Variants in SUFU observed in about 807,000 individuals in gnomAD.
SUFU encodes SUFU negative regulator of hedgehog signaling.
A neutral mutation model predicts 58.9 loss-of-function variants in SUFU; 7 were observed. The observed-to-expected ratio is 0.12, with a 90% confidence interval of 0.07 to 0.22. SUFU has a LOEUF of 0.22. SUFU is among the 10% of genes least tolerant of loss of function. The pLI is 1.00. For missense variants in SUFU, 451 were observed against 641.3 expected, an observed-to-expected ratio of 0.70 and a Z score of 3.20; for synonymous variants, 232 against 254.8, an observed-to-expected ratio of 0.91 and a Z score of 0.85.
intron 6 of SUFU, among the ~76,000 whole-genome samples, chr10:102,594,485 C>T (rs2063439830): frequency 6.6e-6 from 1 of 152,094 alleles, no homozygotes; most frequent in Admixed American, 6.5e-5. Context: ...CATGGCTCAG[C>T]TGCAGGAGTG....
rs868029741 is a variant in SUFU, at chr10:102,552,418, G to A, written c.454+2312G>A. On this transcript the variant is annotated intron_variant, in intron 3 of 11. Coordinates refer to ENST00000369902, the MANE Select transcript of SUFU (RefSeq NM_016169.4). ...ACCACATTCCAGGCTGGGCGACACA[G>A]TGAGACCCCACCTAAAAAAAAAATA... 5.4e-4 allele frequency among the ~76,000 whole-genome samples: 82 copies of A among 152,004 alleles called. 1 individual carries two copies. In the Middle Eastern group the frequency reaches 0.034, roughly 63 times the overall value.
intron 2 of SUFU, among the ~76,000 whole-genome samples, chr10:102,535,970 G>GA (rs60151296): frequency 5.5e-4 from 83 of 150,184 alleles, no homozygotes; most frequent in African/African-American, 1.2e-3. Context: ...TGATGATGAT[G>GA]TTGTTGATGA....
chr10:102,548,878 A>G (rs1564675915), intron 2 of SUFU, among the ~76,000 whole-genome samples: 2 of 152,196 alleles, frequency 1.3e-5, no homozygotes, highest in South Asian at 2.1e-4. Flanking sequence ...TGGCCACAGA[A>G]GCAGTCATCC....
intron 2 of SUFU, among the ~76,000 whole-genome samples, chr10:102,514,075 C>T (rs1255203521): frequency 7.3e-5 from 11 of 151,636 alleles, no homozygotes; most frequent in Non-Finnish European, 7.4e-5. Context: ...ATTGTTGACA[C>T]GAGGTCTTGC....
At chr10:102,590,242 T>C (rs2063384343) in intron 3 of SUFU, among the ~76,000 whole-genome samples, 1 of 139,514 alleles carries the variant, frequency 7.2e-6, no homozygotes. Context: ...CTCTGCTCAC[T>C]GCAACCTCCA....
intron 8 of SUFU, among the ~76,000 whole-genome samples, chr10:102,613,138 G>C (rs995630730): frequency 6.6e-6 from 1 of 152,196 alleles, no homozygotes; most frequent in African/African-American, 2.4e-5. Flanking sequence ...CGCACGGTGA[G>C]GGGGGACGCG....
rs535002852 is a variant in SUFU, at chr10:102,569,023, C to T, written c.454+18917C>T. Among the ~76,000 whole-genome samples the T allele has an allele frequency of 2.9e-3, 429 of 146,354 alleles. 5 individuals are homozygous for T. Among genetic ancestry groups the T allele is most frequent in the African/African-American group, 0.01 (401 of 39,222 alleles). On this transcript the variant is annotated intron_variant, in intron 3 of 11. Coordinates refer to ENST00000369902, the MANE Select transcript of SUFU (RefSeq NM_016169.4). ...TGTATGATACTAACATAACAGGCCC[C>T]TCTAGGATAAATAGACCCCTCTGGA...
At chr10:102,517,445 A>G (rs2062485372) in intron 2 of SUFU, among the ~76,000 whole-genome samples, 1 of 152,104 alleles carries the variant, frequency 6.6e-6, no homozygotes, top group African/African-American at 2.4e-5. Flanking sequence ...GTTTGATGCA[A>G]TCTGATCTCT....
chr10:102,623,626 A>G (rs1319189943), intron 10 of SUFU, among the ~76,000 whole-genome samples: 1 of 152,250 alleles, frequency 6.6e-6, no homozygotes, highest in African/African-American at 2.4e-5. Flanking sequence ...CCATGAGATC[A>G]GATAGCCGTT....
chr10:102,590,025 AT>A (rs1435833719), intron 3 of SUFU, among the ~76,000 whole-genome samples: 1 of 151,650 alleles, frequency 6.6e-6, no homozygotes, highest in African/African-American at 2.4e-5. Flanking sequence ...TGACATGATC[AT>A]GTAGTAATTT....
chr10:102,549,737 A>T (rs2062891796), intron 2 of SUFU, among the ~76,000 whole-genome samples: 1 of 152,204 alleles, frequency 6.6e-6, no homozygotes, highest in Non-Finnish European at 1.5e-5. Context: ...GAATTTGGCC[A>T]GGCCAAGGTC....
At chr10:102,505,248 A>G (rs2062310339) in intron 1 of SUFU, among the ~76,000 whole-genome samples, 1 of 152,146 alleles carries the variant, frequency 6.6e-6, no homozygotes, top group African/African-American at 2.4e-5. Context: ...TTAGGGTAGG[A>G]ATGGTCTTTT....
rs747625757 is a variant in SUFU, at chr10:102,589,442, C to CTTTTTTTTTTTTTTTTT, written c.455-3135_455-3119dup. ...CAATCTGGAAGTATTTTCTTTCTTT[C>CTTTTTTTTTTTTTTTTT]TTTTTTTTTTTTTTTTTTTTTGAGA... On this transcript the variant is annotated intron_variant, in intron 3 of 11. Transcript: ENST00000369902. 2.6e-3 allele frequency among the ~76,000 whole-genome samples: 172 copies of CTTTTTTTTTTTTTTTTT among 65,364 alleles called. 29 individuals are homozygous for CTTTTTTTTTTTTTTTTT. Among genetic ancestry groups the CTTTTTTTTTTTTTTTTT allele is most frequent in the Middle Eastern group, 0.031 (1 of 32 alleles). The allele number at this position is 65,364 out of a possible 152,430, so 42.9% of individuals were successfully genotyped here.
At position 102,617,323 on chromosome 10, in the gene SUFU, T is replaced by C. The variant is rs895235845; in HGVS notation, c.1191T>C (p.Tyr397=). Residue 397 remains tyrosine (Y), a synonymous_variant, in exon 10 of 12, where the codon TAT becomes TAC. Transcript: ENST00000369902. This position sits in a 1 kb window ranked among gnomAD's most constrained non-coding sequence, Gnocchi z 4.4. ...TCCTGCATGGACGGCACTTTACATA[T>C]AAAAGTATCACAGGTGACATGGCCA... ...GRLLHGRHFT[Y]KSITGDMAIT... is the part of the protein sequence containing the mutation. 2.5e-6 allele frequency: 4 copies of C among 1,614,088 alleles called. No homozygotes were observed. The highest frequency in any genetic ancestry group is 3.3e-5 in the Admixed American group (2 of 60,008).
chr10:102,620,347 GC>G (rs559361247), intron 10 of SUFU, among the ~76,000 whole-genome samples: 241 of 152,292 alleles, frequency 1.6e-3, no homozygotes, highest in Admixed American at 2.2e-3. Flanking sequence ...AGGAACCCGA[GC>G]CCCTTTCCGG....
Position 102,629,920 on chromosome 10 carries a change from G to T in SUFU, c.1366-146G>T, listed in dbSNP as rs2063822535. The T allele has an allele frequency of 3.7e-6, 3 of 800,252 alleles. No homozygotes were observed. The South Asian group carries it at 4.0e-5, about 11-fold the overall frequency. The allele number at this position is 800,252 out of a possible 1,614,324, so 49.6% of individuals were successfully genotyped here. A position where few individuals can be genotyped will look rare whatever the true frequency, so the allele number is the denominator to read the frequency against. On this transcript the variant is annotated intron_variant, in intron 11 of 11. Transcript: ENST00000369902. This position sits in a 1 kb window ranked among gnomAD's most constrained non-coding sequence, Gnocchi z 4.7. ...CCGTTTGAGCCCAGCCTGCCACCTG[G>T]GTCTAGCATTTGAGAATGAAGCCAC... is the stretch of plus-strand genomic sequence containing the variant.
chr10:102,615,376 C>T lies in SUFU; in HGVS notation c.1131C>T (p.Ser377=), dbSNP rs775396007. ...ESVHLKFNQE[S]GALIPLCLRG... is the part of the protein sequence containing the mutation. ...TACATCTGAAATTCAACCAGGAGTC[C>T]GGAGCCCTCATTCCTCTCTGCCTAA... The change falls in exon 9 of 12, where the codon TCC becomes TCT. Residue 377 remains serine (S), a synonymous_variant. Coordinates refer to ENST00000369902, the MANE Select transcript of SUFU (RefSeq NM_016169.4). 15 of 1,613,962 alleles carry T rather than the reference C, an allele frequency of 9.3e-6. No homozygotes were observed. The highest frequency in any genetic ancestry group is 6.7e-5 in the East Asian group (3 of 44,894).
intron 3 of SUFU, among the ~76,000 whole-genome samples, chr10:102,559,863 T>G (rs2063018045): frequency 6.6e-6 from 1 of 152,216 alleles, no homozygotes; most frequent in Non-Finnish European, 1.5e-5. Flanking sequence ...AGGAAAAACG[T>G]ATCTCCCCAA....
intron 2 of SUFU, among the ~76,000 whole-genome samples, chr10:102,527,219 G>A (rs369306834): frequency 1.5e-4 from 23 of 151,878 alleles, no homozygotes; most frequent in African/African-American, 2.2e-4. Flanking sequence ...AGCCAGGATG[G>A]TCTCGATCTC....
Sources: allele counts gnomAD v4.1 joint callset (sites outside exome capture counted in the v4.1 genomes callset), GRCh38; gene constraint gnomAD v4.1.1; non-coding constraint Gnocchi (gnomAD v3.1); transcripts MANE v1.5; gene names NCBI Gene and HGNC (gene_info 2026-07-23, HGNC 2026-07-21).